Variants in CPNE4 observed in about 807,000 individuals in gnomAD.
CPNE4 encodes copine-4.
In CPNE4, 25 loss-of-function variants were observed where a neutral mutation model predicts 67.9. The observed-to-expected ratio is 0.37, with a 90% CI of 0.27 to 0.51. The LOEUF (loss-of-function observed/expected upper bound fraction) is 0.51, where lower values mean the gene tolerates loss of function less well. CPNE4 is among the 20% of genes least tolerant of loss of function. The pLI is 0.93. For synonymous variants in CPNE4, 242 were observed against 244.9 expected, an observed-to-expected ratio of 0.99 and a Z score of 0.11; for missense variants, 464 against 690.8, an observed-to-expected ratio of 0.67 and a Z score of 3.68.
chr3:131,831,885 T>C (rs931945071), intron 2 of CPNE4, among the ~76,000 whole-genome samples: 11 of 152,194 alleles, frequency 7.2e-5, no homozygotes, highest in African/African-American at 1.9e-4. Flanking sequence ...CTTTCATCCA[T>C]AAAATAGAGC....
intron 2 of CPNE4, among the ~76,000 whole-genome samples, chr3:131,892,055 C>A (rs2088139094): frequency 6.6e-6 from 1 of 152,072 alleles, no homozygotes; most frequent in African/African-American, 2.4e-5. Context: ...CTCACCTCTG[C>A]CACACTGTCT....
intron 2 of CPNE4, among the ~76,000 whole-genome samples, chr3:131,743,928 A>T (rs1036562709): frequency 5.0e-5 from 6 of 120,282 alleles, no homozygotes; most frequent in Non-Finnish European, 9.7e-5. Context: ...GCGCCACTGC[A>T]CTCCAGCCTG....
intron 2 of CPNE4, among the ~76,000 whole-genome samples, chr3:131,881,337 C>G (rs1439232818): frequency 1.3e-5 from 2 of 152,182 alleles, no homozygotes; most frequent in African/African-American, 4.8e-5. Flanking sequence ...GTCCTGGCCT[C>G]TCAACAACTT....
chr3:132,005,332 T>TAC (rs2073564575), intron 1 of CPNE4, among the ~76,000 whole-genome samples: 1 of 24,080 alleles, frequency 4.2e-5, no homozygotes, highest in Admixed American at 2.7e-4. Flanking sequence ...TATATATATA[T>TAC]ATATATATAT....
intron 2 of CPNE4, among the ~76,000 whole-genome samples, chr3:131,889,713 A>G (rs2088028575): frequency 6.6e-6 from 1 of 152,174 alleles, no homozygotes; most frequent in African/African-American, 2.4e-5. Flanking sequence ...TGTAATGTCA[A>G]CCAATGGCAA....
chr3:131,823,702 C>A (rs2085047548), intron 2 of CPNE4, among the ~76,000 whole-genome samples: 3 of 152,140 alleles, frequency 2.0e-5, no homozygotes, highest in Admixed American at 2.0e-4. Context: ...GCCAAGTTGC[C>A]TTCATCAGCC....
intron 3 of CPNE4, among the ~76,000 whole-genome samples, chr3:131,703,552 T>C (rs1368594394): frequency 1.3e-5 from 2 of 152,186 alleles, no homozygotes; most frequent in Non-Finnish European, 2.9e-5. Flanking sequence ...TCTTCAATTT[T>C]AGAAAAATGC....
intron 14 of CPNE4, among the ~76,000 whole-genome samples, chr3:131,543,727 C>G (rs1935652908): frequency 6.6e-6 from 1 of 152,098 alleles, no homozygotes. Context: ...GTATACATAA[C>G]TTGTGTTATA....
Position 131,702,756 on chromosome 3 carries a change from T to C in CPNE4, c.361-2776A>G, listed in dbSNP as rs575075118. Among the ~76,000 whole-genome samples, 3 of 152,200 alleles carry C rather than the reference T, an allele frequency of 2.0e-5. No homozygotes were observed. The East Asian group carries it at 5.8e-4, about 29-fold the overall frequency. On this transcript the variant is annotated intron_variant, in intron 3 of 15. Transcript: ENST00000429747. ...AATCCCAAGAGAACCTGGATGGCCA[T>C]AGTTCTCTCTCCTCACTCTTAACTT...
At chr3:131,690,797 T>C (rs1297969552) in intron 5 of CPNE4, among the ~76,000 whole-genome samples, 1 of 151,488 alleles carries the variant, frequency 6.6e-6, no homozygotes, top group Admixed American at 6.6e-5. Context: ...TATCAAACTA[T>C]TTGTCTGGCA....
intron 7 of CPNE4, among the ~76,000 whole-genome samples, chr3:131,653,698 T>TA (rs1349151281): frequency 1.3e-5 from 2 of 152,220 alleles, no homozygotes; most frequent in African/African-American, 4.8e-5. Context: ...CCCAACACGT[T>TA]AAAATGCTGC....
chr3:131,743,718 C>T (rs2082408240), intron 2 of CPNE4, among the ~76,000 whole-genome samples: 1 of 151,776 alleles, frequency 6.6e-6, no homozygotes, highest in East Asian at 1.9e-4. Flanking sequence ...GGCTGGAAAC[C>T]ATTTAAAGTA....
At chr3:131,624,789 C>T (rs1020524559) in intron 7 of CPNE4, among the ~76,000 whole-genome samples, 1 of 149,178 alleles carries the variant, frequency 6.7e-6, no homozygotes, top group Admixed American at 6.7e-5. Flanking sequence ...CTATTTAAAA[C>T]GTGCTCTTTC....
At chr3:131,954,969 A>G (rs1431617659) in intron 1 of CPNE4, among the ~76,000 whole-genome samples, 1 of 26,160 alleles carries the variant, frequency 3.8e-5, no homozygotes, top group African/African-American at 1.0e-4. Flanking sequence ...TATGCATGTG[A>G]AAAAAAAAAA....
chr3:131,706,804 T>C (rs1006037197), intron 3 of CPNE4, among the ~76,000 whole-genome samples: 1 of 152,218 alleles, frequency 6.6e-6, no homozygotes, highest in African/African-American at 2.4e-5. Context: ...TCGTTTCTAT[T>C]GATTCCAAGT....
intron 7 of CPNE4, among the ~76,000 whole-genome samples, chr3:131,661,579 A>G (rs2080126552): frequency 1.3e-5 from 2 of 152,116 alleles, no homozygotes; most frequent in Admixed American, 6.5e-5. Flanking sequence ...GCTATAGCTG[A>G]TCCAATATAG....
At chr3:131,988,808 T>C (rs758932126) in intron 1 of CPNE4, among the ~76,000 whole-genome samples, 19 of 152,368 alleles carry the variant, frequency 1.2e-4, no homozygotes, top group Non-Finnish European at 2.4e-4. Context: ...TGTTTGACAA[T>C]GATACCTCTT....
chr3:131,620,771 G>A (rs752352379), intron 7 of CPNE4, among the ~76,000 whole-genome samples: 3 of 152,152 alleles, frequency 2.0e-5, no homozygotes, highest in Admixed American at 6.6e-5. Flanking sequence ...GCTAAGAAAC[G>A]CAGGTAGCCT....
intron 2 of CPNE4, among the ~76,000 whole-genome samples, chr3:131,794,396 C>T (rs2083864038): frequency 6.6e-6 from 1 of 152,130 alleles, no homozygotes; most frequent in Admixed American, 6.5e-5. Context: ...AGGCGCGCAT[C>T]ACCATGCCCA....
Sources: allele counts gnomAD v4.1 joint callset (sites outside exome capture counted in the v4.1 genomes callset), GRCh38; gene constraint gnomAD v4.1.1; transcripts MANE v1.5; gene names NCBI Gene and HGNC (gene_info 2026-07-23, HGNC 2026-07-21).